PLEKHA8: variants seen among roughly 807,000 people sequenced by gnomAD.
The protein encoded by PLEKHA8 is pleckstrin homology domain containing A8.
A neutral mutation model predicts 68.2 loss-of-function variants in PLEKHA8; 36 were observed. The observed-to-expected ratio is 0.53, with a 90% CI of 0.40 to 0.70. The LOEUF is 0.70. Ranked by LOEUF, PLEKHA8 falls within the 30% of genes least tolerant of loss-of-function variation. PLEKHA8 has a pLI of 0.00. For synonymous variants in PLEKHA8, 211 were observed against 216.1 expected (o/e 0.98, Z 0.20); for missense variants, 505 against 615.4 (o/e 0.82, Z 1.90).
At chr7:30,046,928 A>T (rs1055365722) in intron 3 of PLEKHA8, among the ~76,000 whole-genome samples, 2 of 152,116 alleles carry the variant, frequency 1.3e-5, no homozygotes, top group African/African-American at 2.4e-5. Context: ...TTCTCCAGAG[A>T]ACTGTGGCCC....
intron 7 of PLEKHA8, among the ~76,000 whole-genome samples, chr7:30,053,224 CGGT>C (rs1445911154): frequency 2.0e-5 from 3 of 152,158 alleles, no homozygotes; most frequent in Admixed American, 2.0e-4. Flanking sequence ...TTCATCCTCC[CGGT>C]TTCTGTTGGG....
At chr7:30,049,120 G>T in intron 4 of PLEKHA8, 104 bp from the exon 5 acceptor site, 2 of 1,321,554 alleles carry the variant, frequency 1.5e-6, no homozygotes, top group Non-Finnish European at 1.1e-6. Context: ...TCAGCAGGTG[G>T]GTACATTATT....
chr7:30,033,213 A>G (rs1315691381), intron 1 of PLEKHA8, among the ~76,000 whole-genome samples: 1 of 152,218 alleles, frequency 6.6e-6, no homozygotes, highest in Non-Finnish European at 1.5e-5. Context: ...ATTTTAGTAT[A>G]TATAAAAAGT....
downstream of PLEKHA8, among the ~76,000 whole-genome samples, chr7:30,085,727 G>A (rs1795156324): frequency 6.6e-6 from 1 of 152,188 alleles, no homozygotes; most frequent in African/African-American, 2.4e-5. Flanking sequence ...GAGAGTGGGA[G>A]GGATTGAAAG....
Position 30,046,113 on chromosome 7 carries a change from A to G in PLEKHA8, c.158-97A>G, listed in dbSNP as rs896264683. The G allele has an allele frequency of 4.1e-6, 5 of 1,206,300 alleles. No homozygotes were observed. The African/African-American group carries it at 4.6e-5, about 11-fold the overall frequency. The allele number at this position is 1,206,300 out of a possible 1,614,324, so 74.7% of individuals were successfully genotyped here. ...CATCCTCTTTGGGAAGAAGCCTTCA[A>G]TGACTGCCATCAATTAAGCTCAAGA... On this transcript the variant is annotated intron_variant, in intron 2 of 13. Transcript: ENST00000449726.
At chr7:30,046,719 T>C (rs1366246260) in intron 3 of PLEKHA8, among the ~76,000 whole-genome samples, 1 of 152,152 alleles carries the variant, frequency 6.6e-6, no homozygotes, top group Non-Finnish European at 1.5e-5. Flanking sequence ...CCATGAGAAT[T>C]AGTGATGATA....
At chr7:30,116,532 A>G (rs542957148) in intron 13 of PLEKHA8, among the ~76,000 whole-genome samples, 1 of 152,196 alleles carries the variant, frequency 6.6e-6, no homozygotes, top group Non-Finnish European at 1.5e-5. Flanking sequence ...CTGTTCTGCA[A>G]ATCTACTCTT....
rs145577203 is a variant in PLEKHA8 at position 30,101,969 on chromosome 7, AG to A, written c.1363-27295del. On this transcript the variant is annotated intron_variant, in intron 13 of 13. Coordinates refer to the PLEKHA8 transcript ENST00000396257. ...AAATTAAAAAACTTTTGTGCATCAA[AG>A]GACATTGTCAAAGAAATGAGAAGAT... 7.7e-3 allele frequency among the ~76,000 whole-genome samples: 1,172 copies of A among 152,368 alleles called. 11 individuals are homozygous for A. Among genetic ancestry groups the A allele is most frequent in the Middle Eastern group, 0.014 (4 of 294 alleles).
chr7:30,054,952 C>A, intron 8 of PLEKHA8, 87 bp downstream of exon 8: 1 of 1,296,800 alleles, frequency 7.7e-7, no homozygotes, highest in Non-Finnish European at 1.1e-6. Flanking sequence ...CAGGTGATGG[C>A]ATATTCTAGG....
At chr7:30,040,374 G>A (rs1263587158) in intron 1 of PLEKHA8, among the ~76,000 whole-genome samples, 7 of 152,112 alleles carry the variant, frequency 4.6e-5, no homozygotes, top group Admixed American at 3.9e-4. Flanking sequence ...CCATGTGATG[G>A]CAAACTGCTG....
intron 12 of PLEKHA8, chr7:30,072,053 A>C (rs1794269714): frequency 6.6e-6 from 1 of 152,162 alleles, no homozygotes; most frequent in Non-Finnish European, 1.5e-5. Flanking sequence ...ACAGGGAATC[A>C]CCTACGTTTT....
chr7:30,078,052 C>T (rs901833124), intron 13 of PLEKHA8, among the ~76,000 whole-genome samples: 13 of 152,106 alleles, frequency 8.5e-5, no homozygotes, highest in Admixed American at 3.3e-4. Context: ...AAAGCATCAG[C>T]GCACAAGCAA....
rs556594337 is a variant in PLEKHA8, at chr7:30,028,978, C to A, written c.40+176C>A. ...CACGGGACCGTGTCGCCGTGCAGGA[C>A]GACACGGCCCTCTCTTGGGGTTGGT... On this transcript the variant is annotated intron_variant, in intron 1 of 13. Coordinates refer to ENST00000449726, the MANE Select transcript of PLEKHA8 (RefSeq NM_001197026.2). 2.7e-3 allele frequency among the ~76,000 whole-genome samples: 406 copies of A among 152,284 alleles called. 2 individuals carry two copies. Among genetic ancestry groups the A allele is most frequent in the African/African-American group, 9.5e-3 (396 of 41,562 alleles).
rs374661880 is a variant in PLEKHA8, at chr7:30,071,184, G to A, written c.1301-2887G>A. ...ATCAATCATGAAACCCAAAAAAAGCGATAAATGTTATATTTTTCAAAACTT... is the reference window on the plus strand; with the variant it reads ...ATCAATCATGAAACCCAAAAAAAGCAATAAATGTTATATTTTTCAAAACTT... On this transcript the variant is annotated intron_variant, in intron 12 of 13. Coordinates refer to ENST00000449726, the MANE Select transcript of PLEKHA8 (RefSeq NM_001197026.2). 1.2e-4 allele frequency among the ~76,000 whole-genome samples: 18 copies of A among 152,222 alleles called. No individual in the cohort carries two copies. The East Asian group carries it at 2.9e-3, about 24-fold the overall frequency.
chr7:30,084,507 T>A lies in PLEKHA8; in HGVS notation c.*5720T>A. On this transcript the variant is annotated 3_prime_UTR_variant, in exon 14 of 14. Coordinates refer to ENST00000449726, the MANE Select transcript of PLEKHA8 (RefSeq NM_001197026.2). ...ATGAGCGACAGTTTCATGTTTAGAT[T>A]TGTATTGTTTCTCTGTCCAAGTCCT... 1 of 985,372 alleles carries A rather than the reference T, an allele frequency of 1.0e-6. No individual in the cohort carries two copies. The highest frequency in any genetic ancestry group is 1.2e-6 in the Non-Finnish European group (1 of 829,902). The allele number at this position is 985,372 out of a possible 1,614,324, so 61.0% of individuals were successfully genotyped here. A position where few individuals can be genotyped will look rare whatever the true frequency, so the allele number is the denominator to read the frequency against.
At chr7:30,101,758 G>C (rs1795862117) in intron 13 of PLEKHA8, among the ~76,000 whole-genome samples, 1 of 152,194 alleles carries the variant, frequency 6.6e-6, no homozygotes, top group South Asian at 2.1e-4. Flanking sequence ...TCTGCGACAA[G>C]TTAGAGAAGA....
chr7:30,057,930 A>G (rs1195688525), intron 9 of PLEKHA8, among the ~76,000 whole-genome samples: 4 of 152,166 alleles, frequency 2.6e-5, no homozygotes, highest in Admixed American at 6.5e-5. Flanking sequence ...ATAGTGTATG[A>G]GTATTTTAGT....
chr7:30,090,293 TG>T, exon 13 of PLEKHA8: 1 of 1,279,694 alleles, frequency 7.8e-7, no homozygotes, highest in African/African-American at 1.5e-5. Context: ...CACAAGATTC[TG>T]TGACGGGAAA....
intron 9 of PLEKHA8, among the ~76,000 whole-genome samples, chr7:30,060,093 T>C (rs896578984): frequency 6.6e-6 from 1 of 151,682 alleles, no homozygotes; most frequent in Non-Finnish European, 1.5e-5. Context: ...GCTGAGATCA[T>C]GCCACTGCAC....
Sources: allele counts gnomAD v4.1 joint callset (sites outside exome capture counted in the v4.1 genomes callset), GRCh38; gene constraint gnomAD v4.1.1; transcripts MANE v1.5; gene names NCBI Gene and HGNC (gene_info 2026-07-23, HGNC 2026-07-21).